The following TBXAS1 variants were observed in gnomAD, a reference collection of about 807,000 sequenced individuals.
TBXAS1 encodes thromboxane-A synthase.
In TBXAS1, 48 loss-of-function variants were observed where a neutral mutation model predicts 60.7. That is an observed-to-expected ratio of 0.79 (90% CI 0.63 to 1.01). The LOEUF (loss-of-function observed/expected upper bound fraction) is 1.01. Ranked by LOEUF, TBXAS1 falls within the 50% of genes least tolerant of loss-of-function variation. TBXAS1 has a pLI of 0.00. For synonymous variants in TBXAS1, 287 were observed against 269.7 expected (o/e 1.06, Z -0.63); for missense variants, 685 against 686.3 (o/e 1.00, Z 0.02).
intron 9 of TBXAS1, among the ~76,000 whole-genome samples, chr7:139,984,541 T>G (rs538712570): frequency 6.6e-6 from 1 of 150,682 alleles, no homozygotes; most frequent in South Asian, 2.1e-4. Flanking sequence ...CCAGCCAAAA[T>G]TACCTTTTTG....
chr7:139,894,461 A>G (rs1326184278), intron 3 of TBXAS1, among the ~76,000 whole-genome samples: 2 of 152,006 alleles, frequency 1.3e-5, no homozygotes, highest in African/African-American at 2.4e-5. Context: ...TTAGAAACCA[A>G]CCCAGGGACC....
intron 4 of TBXAS1, among the ~76,000 whole-genome samples, chr7:139,919,954 C>G (rs1210820666): frequency 6.6e-6 from 1 of 152,204 alleles, no homozygotes; most frequent in Non-Finnish European, 1.5e-5. Context: ...TAGTTCCAGT[C>G]CCAGTACAGC....
At position 139,923,384 on chromosome 7, in the gene TBXAS1, G is replaced by A. The variant is rs143542039; in HGVS notation, c.333+12063G>A. 2.8e-4 allele frequency among the ~76,000 whole-genome samples: 42 copies of A among 152,130 alleles called. 1 individual carries two copies. The East Asian group carries it at 6.9e-3, about 25-fold the overall frequency. On this transcript the variant is annotated intron_variant, in intron 4 of 12. Transcript: ENST00000448866. ...GAGAGAGATGGCGGTATAAATTCTC[G>A]TGGTTATTCTAGTTCTTTTGGTTCC...
intron 11 of TBXAS1, 48 bp from the exon 12 acceptor site, chr7:140,017,623 G>A: frequency 6.2e-7 from 1 of 1,608,100 alleles, no homozygotes; most frequent in Non-Finnish European, 8.5e-7. Context: ...GGCTGCAGAG[G>A]GGAGGGAGCG....
chr7:139,968,576 T>C (rs1281437602), intron 9 of TBXAS1, among the ~76,000 whole-genome samples: 1 of 152,226 alleles, frequency 6.6e-6, no homozygotes, highest in East Asian at 1.9e-4. Context: ...ATTACAGGCG[T>C]GAGCCACCGC....
intron 4 of TBXAS1, among the ~76,000 whole-genome samples, chr7:139,817,626 G>A (rs1422675790): frequency 6.6e-6 from 1 of 152,194 alleles, no homozygotes; most frequent in African/African-American, 2.4e-5. Flanking sequence ...GGGTGGGAAT[G>A]GGTACACTCC....
chr7:139,820,573 C>T lies in TBXAS1; in HGVS notation c.-79-8739C>T, dbSNP rs563834823. On this transcript the variant is annotated intron_variant, in intron 4 of 16. Transcript: ENST00000336425. ...TATTAATTTTAACAATGAAAATAGA[C>T]GGGTTACAGTTACCCTAAATAGCAT... Among the ~76,000 whole-genome samples the T allele has an allele frequency of 1.1e-3, 163 of 152,196 alleles. 1 individual carries two copies. The highest frequency in any genetic ancestry group is 1.3e-3 in the Non-Finnish European group (91 of 68,016).
Position 139,784,362 on chromosome 7 carries a change from A to G in TBXAS1, c.-169+1633A>G, listed in dbSNP as rs548857666. Among the ~76,000 whole-genome samples, 49 of 152,256 alleles carry G rather than the reference A, an allele frequency of 3.2e-4. 1 individual carries two copies. Among genetic ancestry groups the G allele is most frequent in the Admixed American group, 3.0e-3 (46 of 15,296 alleles). Reference sequence around the variant, plus strand: ...TCTGTAGCAGGACCTGGGAGTATAAAAGGGAATAAGCCATAGCCCTGGCTT... The same window carrying G: ...TCTGTAGCAGGACCTGGGAGTATAAGAGGGAATAAGCCATAGCCCTGGCTT... On this transcript the variant is annotated intron_variant, in intron 3 of 16. Transcript: ENST00000336425.
chr7:139,789,337 C>T (rs1797304620), intron 4 of TBXAS1: 1 of 151,778 alleles, frequency 6.6e-6, no homozygotes, highest in Admixed American at 6.6e-5. Flanking sequence ...CTCAACCTCC[C>T]AGGCTCAATC....
chr7:140,015,762 G>A lies in TBXAS1; in HGVS notation c.1266G>A (p.Gly422=). 1.2e-6 allele frequency: 2 copies of A among 1,613,504 alleles called. No homozygotes were observed. Among genetic ancestry groups the A allele is most frequent in the African/African-American group, 1.3e-5 (1 of 75,040 alleles). ...REAAQDCEVL[G]QRIPAGAVLE... is the part of the protein sequence containing the mutation. ...CAGCTCAGGACTGCGAGGTGCTGGGGCAGCGCATCCCCGCAGGCGCTGTGC... is the reference window on the plus strand; with the variant it reads ...CAGCTCAGGACTGCGAGGTGCTGGGACAGCGCATCCCCGCAGGCGCTGTGC... The change falls in exon 11 of 13, where the codon GGG becomes GGA. Residue 422 remains glycine (G), a synonymous_variant. Coordinates refer to ENST00000448866, the MANE Select transcript of TBXAS1 (RefSeq NM_001061.7).
Position 139,801,859 on chromosome 7 carries a change from G to T in TBXAS1, c.-80+14433G>T, listed in dbSNP as rs1195980262. Among the ~76,000 whole-genome samples, 4 of 152,216 alleles carry T rather than the reference G, an allele frequency of 2.6e-5. No individual in the cohort carries two copies. In the East Asian group the frequency reaches 5.8e-4, roughly 22 times the overall value. On this transcript the variant is annotated intron_variant, in intron 4 of 16. Coordinates refer to the TBXAS1 transcript ENST00000336425. ...GCTCTCTGCAACCTCTGCCTCCCAG[G>T]TTCAAGCGATTCTTCTGCCTCAGCC... is the stretch of plus-strand genomic sequence containing the variant.
chr7:139,909,305 G>T lies in TBXAS1; in HGVS notation c.237-1920G>T, dbSNP rs1460578404. On this transcript the variant is annotated intron_variant, in intron 3 of 12. Transcript: ENST00000448866. ...TATTTGAGAAACATTGCTCTGGAGG[G>T]GGGTTGAGAGATCCAAGGACTTCTC... 3.3e-5 allele frequency among the ~76,000 whole-genome samples: 5 copies of T among 152,134 alleles called. No individual in the cohort carries two copies. In the East Asian group the frequency reaches 9.6e-4, roughly 29 times the overall value.
intron 4 of TBXAS1, among the ~76,000 whole-genome samples, chr7:139,810,345 A>G (rs2116396621): frequency 6.6e-6 from 1 of 152,222 alleles, no homozygotes; most frequent in South Asian, 2.1e-4. Flanking sequence ...GGAAATTACC[A>G]TTCTAAGTCA....
intron 1 of TBXAS1, among the ~76,000 whole-genome samples, chr7:139,863,188 A>G (rs1475171833): frequency 1.3e-5 from 2 of 152,212 alleles, no homozygotes; most frequent in African/African-American, 4.8e-5. Context: ...AATTATAATA[A>G]TAGTAATGAT....
chr7:139,902,853 G>C (rs1804686566), intron 3 of TBXAS1, among the ~76,000 whole-genome samples: 2 of 152,082 alleles, frequency 1.3e-5, no homozygotes, highest in South Asian at 2.1e-4. Flanking sequence ...TTCACCAATG[G>C]CTAATAATGT....
intron 3 of TBXAS1, among the ~76,000 whole-genome samples, chr7:139,898,791 C>G (rs1046980964): frequency 6.6e-6 from 1 of 152,120 alleles, no homozygotes; most frequent in Non-Finnish European, 1.5e-5. Context: ...CTTTACTGTT[C>G]GGACAAACTA....
At chr7:139,986,466 C>G (rs942603735) in intron 9 of TBXAS1, among the ~76,000 whole-genome samples, 2 of 151,820 alleles carry the variant, frequency 1.3e-5, no homozygotes, top group African/African-American at 2.4e-5. Flanking sequence ...CACCCATCAC[C>G]CAAGCAGTAT....
Position 140,014,825 on chromosome 7 carries a change from A to G in TBXAS1, c.1227-898A>G, listed in dbSNP as rs1261429601. Among the ~76,000 whole-genome samples the G allele has an allele frequency of 9.2e-5, 14 of 151,548 alleles. No individual in the cohort carries two copies. The East Asian group carries it at 2.2e-3, about 23-fold the overall frequency. On this transcript the variant is annotated intron_variant, in intron 10 of 12. Coordinates refer to ENST00000448866, the MANE Select transcript of TBXAS1 (RefSeq NM_001061.7). ...GCTACTCGGGAGGCTGAGGCAGGAGAATTGCTTGAACCTGGAAGGCAGAGG... is the reference window on the plus strand; with the variant it reads ...GCTACTCGGGAGGCTGAGGCAGGAGGATTGCTTGAACCTGGAAGGCAGAGG...
intron 4 of TBXAS1, among the ~76,000 whole-genome samples, chr7:139,935,034 G>C (rs777418893): frequency 6.6e-6 from 1 of 151,906 alleles, no homozygotes; most frequent in African/African-American, 2.4e-5. Flanking sequence ...GGCTGGTCTC[G>C]AACTCCTGAC....
Sources: gnomAD v4.1 joint callset for allele counts (sites outside exome capture counted in the v4.1 genomes callset) on GRCh38, gnomAD v4.1.1 for gene constraint, MANE v1.5 for transcripts, NCBI Gene and HGNC (gene_info 2026-07-23, HGNC 2026-07-21) for gene names.